Variants in MAF observed in about 807,000 individuals in gnomAD.
The protein encoded by MAF is MAF bZIP transcription factor.
A neutral mutation model predicts 22.0 loss-of-function variants in MAF; 10 were observed. The ratio of observed to expected loss-of-function variants is 0.45; its 90% CI spans 0.28 to 0.77. MAF has a LOEUF of 0.77. Among genes scored for constraint, MAF ranks in the 30% least tolerant of loss-of-function variants. The probability of loss-of-function intolerance (pLI) is 0.12; values close to 1 mark genes in which losing one functional copy is unlikely to be tolerated. For missense variants in MAF, 544 were observed against 548.4 expected, an observed-to-expected ratio of 0.99 and a Z score of 0.08; for synonymous variants, 337 against 255.8, an observed-to-expected ratio of 1.32 and a Z score of -3.03.
At chr16:79,267,599 A>G in the MAF span, among the ~76,000 whole-genome samples, 3 of 152,168 alleles carry the variant, frequency 2.0e-5, no homozygotes, top group Non-Finnish European at 4.4e-5. Flanking sequence ...GTGCAGAGGC[A>G]CTACCTCTGG....
intron 1 of MAF, 176 bp downstream of exon 1, chr16:79,598,609 T>C (rs1246970647): frequency 1.4e-6 from 2 of 1,433,066 alleles, no homozygotes; most frequent in Non-Finnish European, 1.8e-6. Context: ...TGTGTGTGTG[T>C]GGTGTGTGCG....
the MAF span, among the ~76,000 whole-genome samples, chr16:79,408,055 C>T: frequency 1.0e-5 from 1 of 96,108 alleles, no homozygotes; most frequent in Non-Finnish European, 1.8e-5. Flanking sequence ...TGATTAACTA[C>T]ATGTATTTGG....
At chr16:79,356,319 A>C in the MAF span, among the ~76,000 whole-genome samples, 3 of 152,094 alleles carry the variant, frequency 2.0e-5, no homozygotes, top group South Asian at 6.2e-4. Flanking sequence ...TTAACTAACG[A>C]GCAGGAAATT....
the MAF span, among the ~76,000 whole-genome samples, chr16:79,576,211 A>T: frequency 6.7e-6 from 1 of 149,674 alleles, no homozygotes; most frequent in South Asian, 2.1e-4. Context: ...GGAGAGATTA[A>T]TAAAAGAGTC....
At chr16:79,391,576 C>T in the MAF span, among the ~76,000 whole-genome samples, 3 of 152,068 alleles carry the variant, frequency 2.0e-5, no homozygotes, top group Non-Finnish European at 2.9e-5. Context: ...TGTGGTTAGA[C>T]CACGAAGAGA....
At chr16:79,223,239 C>T in the MAF span, among the ~76,000 whole-genome samples, 1 of 152,038 alleles carries the variant, frequency 6.6e-6, no homozygotes, top group African/African-American at 2.4e-5. Context: ...CTACATGGAA[C>T]CTGAACAACC....
At chr16:79,597,066 A>G in intron 1 of MAF, 16 of 1,057,974 alleles carry the variant, frequency 1.5e-5, no homozygotes, top group Non-Finnish European at 1.8e-5. Context: ...TATAGCAAAG[A>G]CTACACATAC....
intron 1 of MAF, among the ~76,000 whole-genome samples, chr16:79,587,321 G>T (rs1403370903): frequency 6.6e-6 from 1 of 151,680 alleles, no homozygotes; most frequent in Admixed American, 6.6e-5. Flanking sequence ...AAAGAAACAA[G>T]AAACAGACTG....
At chr16:79,223,927 G>C in the MAF span, among the ~76,000 whole-genome samples, 1 of 151,840 alleles carries the variant, frequency 6.6e-6, no homozygotes, top group Non-Finnish European at 1.5e-5. Context: ...ATTCTACCAG[G>C]AGTACAAAGA....
At chr16:79,348,073 C>T in the MAF span, among the ~76,000 whole-genome samples, 2 of 152,172 alleles carry the variant, frequency 1.3e-5, no homozygotes, top group African/African-American at 4.8e-5. Context: ...TTAGTGTGAC[C>T]TTTTCCTGCT....
chr16:79,300,940 TGAAG>T, the MAF span, among the ~76,000 whole-genome samples: 2 of 151,128 alleles, frequency 1.3e-5, no homozygotes, highest in Non-Finnish European at 2.9e-5. Flanking sequence ...GATCAACACA[TGAAG>T]AGGAGAAGAA....
the MAF span, among the ~76,000 whole-genome samples, chr16:79,547,795 C>G: frequency 6.6e-6 from 1 of 152,046 alleles, no homozygotes; most frequent in Admixed American, 6.6e-5. Flanking sequence ...GGATATTTGT[C>G]TACAATTGAT....
At chr16:79,236,944 GAAA>G in the MAF span, among the ~76,000 whole-genome samples, 27 of 140,700 alleles carry the variant, frequency 1.9e-4, no homozygotes, top group Non-Finnish European at 2.7e-4. Flanking sequence ...ATAAATCTCG[GAAA>G]AAAAAAAAAA....
the MAF span, among the ~76,000 whole-genome samples, chr16:79,283,901 G>C: frequency 1.4e-5 from 2 of 147,468 alleles, no homozygotes; most frequent in Admixed American, 1.4e-4. Flanking sequence ...GGTAGCTGGG[G>C]AGCTAATCTG....
chr16:79,214,315 T>TGAC, the MAF span, among the ~76,000 whole-genome samples: 1 of 152,192 alleles, frequency 6.6e-6, no homozygotes, highest in African/African-American at 2.4e-5. Flanking sequence ...GCAAACTTAC[T>TGAC]GACTTAATAA....
At chr16:79,326,699 G>A in the MAF span, among the ~76,000 whole-genome samples, 1 of 152,236 alleles carries the variant, frequency 6.6e-6, no homozygotes, top group Non-Finnish European at 1.5e-5. Context: ...ACAGGAGTAT[G>A]TAAATGCAGG....
chr16:79,587,874 G>GGT (rs1429408486), intron 1 of MAF, among the ~76,000 whole-genome samples: 1 of 148,366 alleles, frequency 6.7e-6, no homozygotes, highest in Non-Finnish European at 1.5e-5. Flanking sequence ...TCAAAAGGGG[G>GGT]GGGGGGGTAG....
the MAF span, among the ~76,000 whole-genome samples, chr16:79,352,338 G>C: frequency 6.6e-6 from 1 of 152,070 alleles, no homozygotes; most frequent in South Asian, 2.1e-4. Flanking sequence ...GGGTGCTCTG[G>C]GGCACTTGGG....
At chr16:79,426,210 G>GAAAA in the MAF span, among the ~76,000 whole-genome samples, 71 of 146,968 alleles carry the variant, frequency 4.8e-4, no homozygotes, top group Admixed American at 6.7e-4. Flanking sequence ...CATCTCAAAA[G>GAAAA]AAAAAAAAAA....
Sources: gnomAD v4.1 joint callset for allele counts (sites outside exome capture counted in the v4.1 genomes callset) on GRCh38, gnomAD v4.1.1 for gene constraint, MANE v1.5 for transcripts, NCBI Gene and HGNC (gene_info 2026-07-23, HGNC 2026-07-21) for gene names.